The following MTMR7 variants were observed in gnomAD, a reference collection of about 807,000 sequenced individuals.
The protein encoded by MTMR7 is myotubularin related protein 7, also known as phosphatidylinositol-3-phosphate phosphatase MTMR7.
MTMR7 carries 76 observed loss-of-function variants against 81.2 expected under a neutral mutation model. The ratio of observed to expected loss-of-function variants is 0.94; its 90% CI spans 0.78 to 1.13. The LOEUF (loss-of-function observed/expected upper bound fraction) is 1.13. MTMR7 is among the 50% of genes most tolerant of loss of function. The pLI is 0.00. For missense variants in MTMR7, 1,044 were observed against 820.0 expected, an observed-to-expected ratio of 1.27 and a Z score of -3.34; for synonymous variants, 372 against 289.8, an observed-to-expected ratio of 1.28 and a Z score of -2.88.
intron 3 of MTMR7, among the ~76,000 whole-genome samples, chr8:17,363,335 G>C (rs1183467337): frequency 6.6e-6 from 1 of 152,238 alleles, no homozygotes; most frequent in Non-Finnish European, 1.5e-5. Context: ...TTCCCTGAGT[G>C]AAAGAAGAGC....
At chr8:17,405,959 A>AT (rs1331226628) in intron 1 of MTMR7, among the ~76,000 whole-genome samples, 5 of 151,922 alleles carry the variant, frequency 3.3e-5, no homozygotes, top group African/African-American at 9.7e-5. Context: ...TATACACAGC[A>AT]TTTTTTCTGG....
chr8:17,361,674 G>C (rs543202621), intron 3 of MTMR7, among the ~76,000 whole-genome samples: 2 of 152,152 alleles, frequency 1.3e-5, no homozygotes, highest in South Asian at 4.2e-4. Flanking sequence ...ATTTGGGATG[G>C]CCTCTCAGAG....
intron 4 of MTMR7, among the ~76,000 whole-genome samples, chr8:17,354,589 A>C (rs527758975): frequency 1.9e-4 from 29 of 152,300 alleles, no homozygotes; most frequent in Admixed American, 1.6e-3. Context: ...CTAGAATCTA[A>C]GTTTTGTATT....
At chr8:17,305,632 A>G (rs1817398923) in intron 11 of MTMR7, 125 bp downstream of exon 11, 2 of 720,068 alleles carry the variant, frequency 2.8e-6, no homozygotes, top group Non-Finnish European at 4.4e-6. Context: ...AAATAAAACT[A>G]ATCTGTCAGT....
chr8:17,316,052 G>A lies in MTMR7; in HGVS notation c.866-2651C>T, dbSNP rs76872429. 2.8e-4 allele frequency among the ~76,000 whole-genome samples: 43 copies of A among 152,172 alleles called. 1 individual carries two copies. In the East Asian group the frequency reaches 6.4e-3, roughly 23 times the overall value. On this transcript the variant is annotated intron_variant, in intron 7 of 13. Transcript: ENST00000180173. Reference sequence around the variant, plus strand: ...GTTACAAATAAAGTCTCGTGTTTTCGTGTCATCCTGCTTCTTTCCTATGAA... The same window carrying A: ...GTTACAAATAAAGTCTCGTGTTTTCATGTCATCCTGCTTCTTTCCTATGAA...
At chr8:17,341,034 G>C (rs541329117) in intron 6 of MTMR7, among the ~76,000 whole-genome samples, 6 of 152,282 alleles carry the variant, frequency 3.9e-5, no homozygotes, top group African/African-American at 1.4e-4. Flanking sequence ...GAGCAGAAAG[G>C]GCTGTTTTAG....
At chr8:17,300,998 C>G (rs762808758) in intron 13 of MTMR7, among the ~76,000 whole-genome samples, 3 of 152,094 alleles carry the variant, frequency 2.0e-5, no homozygotes, top group Non-Finnish European at 2.9e-5. Flanking sequence ...ATGGATATAC[C>G]AGATTTTGTT....
chr8:17,301,854 C>G (rs996938143), intron 13 of MTMR7: 2 of 404,712 alleles, frequency 4.9e-6, no homozygotes, highest in African/African-American at 4.1e-5. Flanking sequence ...TTCACACTTT[C>G]CAGAAAAAAA....
At chr8:17,371,595 G>C (rs1250855932) in intron 2 of MTMR7, among the ~76,000 whole-genome samples, 1 of 152,128 alleles carries the variant, frequency 6.6e-6, no homozygotes, top group Non-Finnish European at 1.5e-5. Context: ...TCCGCTGGGA[G>C]GTGCCACCAT....
At chr8:17,384,526 C>T (rs933517067) in intron 1 of MTMR7, among the ~76,000 whole-genome samples, 3 of 152,182 alleles carry the variant, frequency 2.0e-5, no homozygotes, top group East Asian at 3.8e-4. Context: ...GTGAAACTCA[C>T]AGAAACAATA....
At position 17,311,610 on chromosome 8, in the gene MTMR7, C is replaced by G; in HGVS notation, c.1002G>C (p.Val334=). 2 of 1,614,132 alleles carry G rather than the reference C, an allele frequency of 1.2e-6. No homozygotes were observed. Among genetic ancestry groups the G allele is most frequent in the Non-Finnish European group, 8.5e-7 (1 of 1,180,012 alleles). The change falls in exon 9 of 14, where the codon GTG becomes GTC. Residue 334 remains valine (V), a synonymous_variant. Transcript: ENST00000180173. Reference sequence around the variant, plus strand: ...CCCAGCCATCAGAACAGTGAACAAGCACACTTGCCCCTTCCTCTGACACTG... The same window carrying G: ...CCCAGCCATCAGAACAGTGAACAAGGACACTTGCCCCTTCCTCTGACACTG... The part of the protein sequence containing the change: ...AKAVSEEGAS[V]LVHCSDGWDR...
At chr8:17,401,951 G>T (rs1168437829) in intron 1 of MTMR7, among the ~76,000 whole-genome samples, 1 of 152,096 alleles carries the variant, frequency 6.6e-6, no homozygotes, top group Non-Finnish European at 1.5e-5. Flanking sequence ...ACTATGGAAT[G>T]ACAATACAAA....
chr8:17,340,895 AT>A (rs1223319220), intron 6 of MTMR7, among the ~76,000 whole-genome samples: 3 of 152,136 alleles, frequency 2.0e-5, no homozygotes, highest in African/African-American at 7.2e-5. Flanking sequence ...ATATTTTTTA[AT>A]TTACCTTATA....
intron 3 of MTMR7, among the ~76,000 whole-genome samples, chr8:17,370,276 C>A (rs1204461385): frequency 6.6e-6 from 1 of 151,898 alleles, no homozygotes; most frequent in African/African-American, 2.4e-5. Flanking sequence ...GTAATCCGAG[C>A]ACTTGAGGCC....
At chr8:17,393,651 G>C (rs1037034102) in intron 1 of MTMR7, among the ~76,000 whole-genome samples, 9 of 152,018 alleles carry the variant, frequency 5.9e-5, no homozygotes, top group African/African-American at 2.2e-4. Context: ...TGAACGATGA[G>C]AACACGTGGA....
At chr8:17,347,201 A>C (rs903039385) in intron 5 of MTMR7, among the ~76,000 whole-genome samples, 1 of 152,014 alleles carries the variant, frequency 6.6e-6, no homozygotes, top group Non-Finnish European at 1.5e-5. Flanking sequence ...TTCCGAAAAA[A>C]AAAAAAAAAA....
At chr8:17,365,060 C>A (rs1380365070) in intron 3 of MTMR7, among the ~76,000 whole-genome samples, 1 of 152,212 alleles carries the variant, frequency 6.6e-6, no homozygotes. Flanking sequence ...CTTTCCTCCC[C>A]ACCCTTGCCA....
chr8:17,310,859 A>C (rs1817742777), intron 9 of MTMR7, among the ~76,000 whole-genome samples: 1 of 152,154 alleles, frequency 6.6e-6, no homozygotes, highest in African/African-American at 2.4e-5. Context: ...AGGTGAATTC[A>C]TTTTAAGGAA....
intron 1 of MTMR7, among the ~76,000 whole-genome samples, chr8:17,404,525 C>T (rs374384991): frequency 7.9e-5 from 12 of 150,990 alleles, no homozygotes; most frequent in African/African-American, 2.9e-4. Context: ...TTGTTACAAA[C>T]AATTGCAAAA....
Sources: gnomAD v4.1 joint callset for allele counts (sites outside exome capture counted in the v4.1 genomes callset) on GRCh38, gnomAD v4.1.1 for gene constraint, MANE v1.5 for transcripts, NCBI Gene and HGNC (gene_info 2026-07-23, HGNC 2026-07-21) for gene names.